BPHL: variants seen among roughly 807,000 people sequenced by gnomAD.
BPHL encodes the protein serine hydrolase BPHL.
BPHL carries 27 observed loss-of-function variants against 31.2 expected under a neutral mutation model. That is an observed-to-expected ratio of 0.87 (90% confidence interval 0.64 to 1.19). The LOEUF is 1.19. Among genes scored for constraint, BPHL ranks in the 50% most tolerant of loss-of-function variants. BPHL has a pLI of 0.00. For synonymous variants in BPHL, 150 were observed against 146.8 expected, an observed-to-expected ratio of 1.02 and a Z score of -0.16; for missense variants, 356 against 375.7, an observed-to-expected ratio of 0.95 and a Z score of 0.43.
At chr6:3,121,460 G>A (rs1321616478) in intron 1 of BPHL, among the ~76,000 whole-genome samples, 1 of 151,810 alleles carries the variant, frequency 6.6e-6, no homozygotes, top group African/African-American at 2.4e-5. Context: ...CCACCATGCC[G>A]GGCTAATTTT....
In BPHL at chr6:3,137,342, C is replaced by T. The variant is rs1165586625; in HGVS notation, c.533-20C>T. The T allele has an allele frequency of 3.7e-6, 6 of 1,610,464 alleles. No homozygotes were observed. In the East Asian group the frequency reaches 6.7e-5, roughly 18 times the overall value. On this transcript the variant is annotated intron_variant, in intron 4 of 6. Coordinates refer to ENST00000380379, the MANE Select transcript of BPHL (RefSeq NM_004332.4). ...TAGTATGAAATTAAACCTTTCTTCG[C>T]CTACACTTCTGTTTTTCAGGCATCC... is the stretch of plus-strand genomic sequence containing the variant.
chr6:3,141,794 C>T (rs1044053043), intron 6 of BPHL, among the ~76,000 whole-genome samples: 3 of 151,900 alleles, frequency 2.0e-5, no homozygotes. Context: ...GCCAACATGG[C>T]GAAACCCCAT....
chr6:3,118,620 C>A, upstream of BPHL: 1 of 671,384 alleles, frequency 1.5e-6, no homozygotes, highest in Non-Finnish European at 2.1e-6. Context: ...GGGCAGAGGG[C>A]GGAGCAGGAT....
intron 6 of BPHL, among the ~76,000 whole-genome samples, chr6:3,147,493 G>A (rs1762415342): frequency 6.6e-6 from 1 of 151,996 alleles, no homozygotes; most frequent in African/African-American, 2.4e-5. Context: ...GAGTGCAGTG[G>A]CCCGATCATA....
chr6:3,142,062 G>A lies in BPHL; in HGVS notation c.788+1553G>A, dbSNP rs145114582. ...TATAAAATTATAATACTAAGTTATG[G>A]TCATGGTACAAAATTCCAGTAGTAT... On this transcript the variant is annotated intron_variant, in intron 6 of 6. Transcript: ENST00000380379. 8.6e-5 allele frequency among the ~76,000 whole-genome samples: 13 copies of A among 152,016 alleles called. No individual in the cohort carries two copies. In the East Asian group the frequency reaches 2.5e-3, roughly 29 times the overall value.
chr6:3,148,829 TTA>T (rs1278640076), intron 6 of BPHL, among the ~76,000 whole-genome samples: 1 of 152,172 alleles, frequency 6.6e-6, no homozygotes, highest in African/African-American at 2.4e-5. Context: ...ACATGCAAGA[TTA>T]TATTAAAACC....
intron 2 of BPHL, 198 bp from the exon 3 acceptor site, chr6:3,127,044 T>C: frequency 2.5e-6 from 1 of 392,476 alleles, no homozygotes; most frequent in East Asian, 3.8e-5. Flanking sequence ...GTGCTAGGAT[T>C]ACAGGCGCAC....
At position 3,152,613 on chromosome 6, in the gene BPHL, G is replaced by A; in HGVS notation, c.*38G>A. On this transcript the variant is annotated 3_prime_UTR_variant, in exon 7 of 7. Coordinates refer to ENST00000380379, the MANE Select transcript of BPHL (RefSeq NM_004332.4). ...CAGTCTTGGTGGTTCCTTCGTGTGG[G>A]GCTTGATCGTGTTGCTGCCTGTTAA... The A allele has an allele frequency of 6.4e-7, 1 of 1,571,118 alleles. No individual in the cohort carries two copies. Among genetic ancestry groups the A allele is most frequent in the African/African-American group, 1.4e-5 (1 of 73,418 alleles).
chr6:3,118,968 G>T, intron 1 of BPHL, 121 bp downstream of exon 1: 1 of 847,962 alleles, frequency 1.2e-6, no homozygotes, highest in Non-Finnish European at 1.6e-6. Context: ...GGCGCGGCCT[G>T]GCTGCCCTGT....
At chr6:3,147,262 AAAAT>A (rs950202633) in intron 6 of BPHL, among the ~76,000 whole-genome samples, 3 of 152,066 alleles carry the variant, frequency 2.0e-5, no homozygotes, top group African/African-American at 7.2e-5. Flanking sequence ...CCCCACCTGA[AAAAT>A]AAATAAATAA....
At chr6:3,148,436 A>T (rs1053159530) in intron 6 of BPHL, among the ~76,000 whole-genome samples, 1 of 152,244 alleles carries the variant, frequency 6.6e-6, no homozygotes, top group African/African-American at 2.4e-5. Context: ...GAAAAGATTC[A>T]CACCAGTGAT....
rs1561805305 is a variant in BPHL at position 3,153,545 on chromosome 6, TATTAAA to T, written c.*977_*982del. ...CACTAAAGCAGAAATCCTACATTGC[TATTAAA>T]ATTAAACTTTGATTACCACAATAAA... On this transcript the variant is annotated 3_prime_UTR_variant, in exon 7 of 7. Coordinates refer to ENST00000380379, the MANE Select transcript of BPHL (RefSeq NM_004332.4). 8.5e-6 allele frequency: 4 copies of T among 468,492 alleles called. No individual in the cohort carries two copies. Among genetic ancestry groups the T allele is most frequent in the East Asian group, 4.0e-5 (1 of 25,244 alleles). The allele number at this position is 468,492 out of a possible 1,614,324, so 29.0% of individuals were successfully genotyped here. A position where few individuals can be genotyped will look rare whatever the true frequency, so the allele number is the denominator to read the frequency against.
chr6:3,131,948 T>A (rs913945890), intron 4 of BPHL, among the ~76,000 whole-genome samples: 5 of 152,224 alleles, frequency 3.3e-5, no homozygotes, highest in Non-Finnish European at 5.9e-5. Context: ...CGTGCCTGTG[T>A]CACGGCCCTT....
At chr6:3,146,997 G>C (rs527560807) in intron 6 of BPHL, among the ~76,000 whole-genome samples, 2 of 152,330 alleles carry the variant, frequency 1.3e-5, no homozygotes, top group Non-Finnish European at 2.9e-5. Flanking sequence ...ATCATCTCAA[G>C]ATAGTTTTTG....
At chr6:3,119,311 A>G (rs1413300888) in intron 1 of BPHL, 1 of 1,548,288 alleles carries the variant, frequency 6.5e-7, no homozygotes, top group Non-Finnish European at 8.7e-7. Context: ...GAGTACCGCT[A>G]AGGCTTTAAT....
In BPHL at chr6:3,127,263, G is replaced by A; in HGVS notation, c.233G>A (p.Gly78Glu). The change falls in exon 3 of 7, where the codon GGA becomes GAA. Residue 78 changes from glycine (G) to glutamate (E), a missense_variant. Transcript: ENST00000380379. ...TTAGGAAGTGGAGAGACTGATTTTG[G>A]ACCTCAGCTCAAGAACCTCAATAAG... ...GMLGSGETDF[G>E]PQLKNLNKKL... 2 of 1,562,054 alleles carry A rather than the reference G, an allele frequency of 1.3e-6. No homozygotes were observed. Among genetic ancestry groups the A allele is most frequent in the Non-Finnish European group, 1.7e-6 (2 of 1,149,524 alleles).
intron 5 of BPHL, chr6:3,138,056 G>T (rs1762061507): frequency 5.1e-6 from 6 of 1,170,006 alleles, no homozygotes; most frequent in Non-Finnish European, 6.8e-6. Context: ...GTCTCACTCT[G>T]TCACCAGGCT....
intron 5 of BPHL, chr6:3,139,158 G>A (rs1440720908): frequency 6.6e-6 from 1 of 152,218 alleles, no homozygotes. Flanking sequence ...TCGAAAAGCT[G>A]TTGTTGTGGG....
chr6:3,150,499 G>A (rs1762491872), intron 6 of BPHL, among the ~76,000 whole-genome samples: 1 of 152,236 alleles, frequency 6.6e-6, no homozygotes, highest in South Asian at 2.1e-4. Context: ...CACATGCAGT[G>A]AGGAACCTGC....
Sources: allele counts gnomAD v4.1 joint callset (sites outside exome capture counted in the v4.1 genomes callset), GRCh38; gene constraint gnomAD v4.1.1; transcripts MANE v1.5; gene names NCBI Gene and HGNC (gene_info 2026-07-23, HGNC 2026-07-21).